Variants in PTPRD observed in about 807,000 individuals in gnomAD.
PTPRD encodes the protein receptor-type tyrosine-protein phosphatase delta.
A neutral mutation model predicts 214.5 loss-of-function variants in PTPRD; 34 were observed. The ratio of observed to expected loss-of-function variants is 0.16; its 90% confidence interval spans 0.12 to 0.21. PTPRD has a LOEUF of 0.21. PTPRD is among the 10% of genes least tolerant of loss of function. PTPRD has a pLI of 1.00. For missense variants in PTPRD, 2,545 were observed against 2,398.7 expected (o/e 1.06, Z -1.27); for synonymous variants, 1,128 against 845.7 (o/e 1.33, Z -5.79).
intron 2 of PTPRD, among the ~76,000 whole-genome samples, chr9:10,476,988 G>T (rs985158524): frequency 6.6e-6 from 1 of 151,786 alleles, no homozygotes; most frequent in Non-Finnish European, 1.5e-5. Context: ...AAATTAAGAT[G>T]GATTAAAGAC....
intron 11 of PTPRD, among the ~76,000 whole-genome samples, chr9:8,966,112 T>G (rs2099192638): frequency 6.6e-6 from 1 of 151,984 alleles, no homozygotes; most frequent in African/African-American, 2.4e-5. Flanking sequence ...AGAATACTGC[T>G]AAAAGGCATC....
At chr9:9,196,145 G>T (rs2099938472) in intron 9 of PTPRD, among the ~76,000 whole-genome samples, 1 of 152,172 alleles carries the variant, frequency 6.6e-6, no homozygotes, top group African/African-American at 2.4e-5. Flanking sequence ...AGAATTATCT[G>T]CCCATAAGAA....
chr9:9,934,330 A>G (rs1200338777), intron 5 of PTPRD, among the ~76,000 whole-genome samples: 2 of 151,092 alleles, frequency 1.3e-5, no homozygotes, highest in East Asian at 1.9e-4. Flanking sequence ...GACTGCTAGC[A>G]AGACTAATAA....
chr9:10,208,500 C>G (rs1050089415), intron 3 of PTPRD, among the ~76,000 whole-genome samples: 1 of 152,152 alleles, frequency 6.6e-6, no homozygotes, highest in Non-Finnish European at 1.5e-5. Flanking sequence ...GGCGACAGAG[C>G]GAGACTGCGT....
chr9:9,823,911 T>C (rs764738658), intron 5 of PTPRD, among the ~76,000 whole-genome samples: 6 of 152,084 alleles, frequency 3.9e-5, no homozygotes, highest in Non-Finnish European at 7.4e-5. Context: ...TTTGAGATAA[T>C]GAATATCTCA....
intron 9 of PTPRD, among the ~76,000 whole-genome samples, chr9:9,222,849 G>A (rs1237851195): frequency 6.6e-6 from 1 of 151,878 alleles, no homozygotes; most frequent in Non-Finnish European, 1.5e-5. Context: ...ATATATTCTT[G>A]GTTAATTTTA....
At chr9:9,676,321 C>T (rs2096929076) in intron 7 of PTPRD, among the ~76,000 whole-genome samples, 1 of 144,970 alleles carries the variant, frequency 6.9e-6, no homozygotes, top group African/African-American at 2.6e-5. Flanking sequence ...GTTCCCCTTC[C>T]TGTGTCCATG....
rs541680783 is a variant in PTPRD at position 8,679,153 on chromosome 9, C to A, written c.65-42309G>T. Among the ~76,000 whole-genome samples the A allele has an allele frequency of 1.1e-3, 160 of 152,270 alleles. 1 individual carries two copies. The highest frequency in any genetic ancestry group is 1.9e-3 in the Non-Finnish European group (127 of 68,020). ...ATAAAAAGGATTCCATCTTTAGAGG[C>A]AGAAACTAGTCGCTTCCTACTGAAT... On this transcript the variant is annotated intron_variant, in intron 12 of 45. Transcript: ENST00000381196.
At chr9:8,671,010 TG>T (rs1442827515) in intron 12 of PTPRD, among the ~76,000 whole-genome samples, 2 of 151,860 alleles carry the variant, frequency 1.3e-5, no homozygotes, top group South Asian at 4.2e-4. Context: ...GATGTGGAGG[TG>T]GGGGGAGGAT....
At chr9:8,512,579 CT>C (rs2097703266) in intron 21 of PTPRD, among the ~76,000 whole-genome samples, 1 of 151,932 alleles carries the variant, frequency 6.6e-6, no homozygotes, top group South Asian at 2.1e-4. Context: ...TATTTTAACA[CT>C]TTTGCAATGC....
intron 3 of PTPRD, among the ~76,000 whole-genome samples, chr9:10,100,506 G>A (rs1208584308): frequency 6.6e-6 from 1 of 151,616 alleles, no homozygotes; most frequent in Non-Finnish European, 1.5e-5. Context: ...ATTTAGAAAG[G>A]AGGATGATCT....
chr9:8,484,105 T>G lies in PTPRD; in HGVS notation c.3413+14A>C. 1 of 1,610,126 alleles carries G rather than the reference T, an allele frequency of 6.2e-7. No homozygotes were observed. Among genetic ancestry groups the G allele is most frequent in the Non-Finnish European group, 8.5e-7 (1 of 1,176,846 alleles). On this transcript the variant is annotated intron_variant, in intron 30 of 45. Coordinates refer to ENST00000381196, the MANE Select transcript of PTPRD (RefSeq NM_002839.4). ...TAATTCTTTCCTTCAGCCCTAAGCC[T>G]TCAATCAACTTACTTTATATTCTCA...
intron 12 of PTPRD, among the ~76,000 whole-genome samples, chr9:8,680,280 T>C (rs2097526351): frequency 6.6e-6 from 1 of 152,174 alleles, no homozygotes; most frequent in South Asian, 2.1e-4. Flanking sequence ...CAGTTTTCAA[T>C]GATACCACCT....
intron 11 of PTPRD, among the ~76,000 whole-genome samples, chr9:8,800,041 G>C (rs956622502): frequency 6.6e-6 from 1 of 151,798 alleles, no homozygotes; most frequent in Admixed American, 6.6e-5. Context: ...GTTACAAAAA[G>C]TATACAAGCA....
chr9:8,967,925 C>T (rs1405824925), intron 11 of PTPRD, among the ~76,000 whole-genome samples: 1 of 152,028 alleles, frequency 6.6e-6, no homozygotes, highest in African/African-American at 2.4e-5. Context: ...CACGAGAGGC[C>T]CCGGTGTGTG....
At chr9:9,154,367 C>T (rs935454705) in intron 10 of PTPRD, among the ~76,000 whole-genome samples, 3 of 152,020 alleles carry the variant, frequency 2.0e-5, no homozygotes, top group African/African-American at 4.8e-5. Flanking sequence ...TAGAAAAGTC[C>T]AAGAGAAAGT....
chr9:9,977,776 G>A (rs1036526897), intron 4 of PTPRD, among the ~76,000 whole-genome samples: 9 of 152,014 alleles, frequency 5.9e-5, no homozygotes, highest in Non-Finnish European at 1.2e-4. Context: ...GGGAATTTAG[G>A]GTTTATTTGA....
intron 11 of PTPRD, among the ~76,000 whole-genome samples, chr9:8,938,863 C>G (rs370266170): frequency 2.6e-5 from 4 of 152,216 alleles, no homozygotes; most frequent in African/African-American, 9.6e-5. Flanking sequence ...TTAATTAAGA[C>G]AAGTTCAAAT....
intron 7 of PTPRD, among the ~76,000 whole-genome samples, chr9:9,669,855 G>C (rs1347906543): frequency 6.6e-6 from 1 of 152,060 alleles, no homozygotes; most frequent in Non-Finnish European, 1.5e-5. Flanking sequence ...CTATACAAAT[G>C]TCAATGATTA....
Sources: allele counts gnomAD v4.1 joint callset (sites outside exome capture counted in the v4.1 genomes callset), GRCh38; gene constraint gnomAD v4.1.1; transcripts MANE v1.5; gene names NCBI Gene and HGNC (gene_info 2026-07-23, HGNC 2026-07-21).